Variants in NPAS3 observed in about 807,000 individuals in gnomAD.
NPAS3 encodes neuronal PAS domain protein 3.
In NPAS3, 14 loss-of-function variants were observed where a neutral mutation model predicts 73.1. The ratio of observed to expected loss-of-function variants is 0.19; its 90% CI spans 0.13 to 0.30. The LOEUF (loss-of-function observed/expected upper bound fraction) is 0.30, where lower values mean the gene tolerates loss of function less well. Ranked by LOEUF, NPAS3 falls within the 10% of genes least tolerant of loss-of-function variation. The pLI is 1.00. For missense variants in NPAS3, 1,096 were observed against 1,250.0 expected (o/e 0.88, Z 1.86); for synonymous variants, 620 against 541.5 (o/e 1.14, Z -2.01).
intron 4 of NPAS3, among the ~76,000 whole-genome samples, chr14:33,454,075 TATG>T (rs144410160): frequency 0.027 from 4,106 of 152,288 alleles, 178 homozygotes; most frequent in African/African-American, 0.094. Context: ...CATGCTCAGT[TATG>T]ATAGCTTCCT....
chr14:32,978,012 C>T (rs2037756647), intron 1 of NPAS3, among the ~76,000 whole-genome samples: 1 of 152,158 alleles, frequency 6.6e-6, no homozygotes, highest in East Asian at 1.9e-4. Flanking sequence ...GTGCGTGACA[C>T]TGTGCAAGCC....
chr14:33,078,042 G>C (rs1374706145), intron 2 of NPAS3, among the ~76,000 whole-genome samples: 1 of 151,864 alleles, frequency 6.6e-6, no homozygotes, highest in African/African-American at 2.4e-5. Context: ...CAGAGGCTGA[G>C]GCAGGAGAAT....
chr14:33,178,202 G>A (rs766865825), intron 2 of NPAS3, among the ~76,000 whole-genome samples: 5 of 151,354 alleles, frequency 3.3e-5, no homozygotes, highest in Non-Finnish European at 7.4e-5. Context: ...AGCCTCCCGA[G>A]TGGCTGGGAC....
chr14:33,237,698 A>C (rs977457807), intron 3 of NPAS3, among the ~76,000 whole-genome samples: 2 of 152,026 alleles, frequency 1.3e-5, no homozygotes, highest in African/African-American at 4.8e-5. Context: ...AAATACATGC[A>C]TACGTATATA....
intron 2 of NPAS3, among the ~76,000 whole-genome samples, chr14:33,206,993 G>A (rs1195743434): frequency 1.3e-5 from 2 of 152,148 alleles, no homozygotes; most frequent in African/African-American, 4.8e-5. Context: ...TTACACATGT[G>A]TGCTCACCAG....
intron 5 of NPAS3, among the ~76,000 whole-genome samples, chr14:33,652,890 C>T (rs991741160): frequency 9.0e-6 from 1 of 111,422 alleles, no homozygotes; most frequent in Non-Finnish European, 1.8e-5. Context: ...GTATTCACCC[C>T]CATTTCTCAC....
At chr14:33,338,036 A>G (rs889104676) in intron 3 of NPAS3, among the ~76,000 whole-genome samples, 8 of 151,604 alleles carry the variant, frequency 5.3e-5, no homozygotes, top group African/African-American at 1.9e-4. Context: ...TATTTTACTA[A>G]TTCATTTTTA....
intron 6 of NPAS3, among the ~76,000 whole-genome samples, chr14:33,724,138 A>G (rs2061195094): frequency 6.6e-6 from 1 of 152,194 alleles, no homozygotes; most frequent in African/African-American, 2.4e-5. Context: ...ATCATAAACA[A>G]AAGTAAAAGG....
intron 4 of NPAS3, among the ~76,000 whole-genome samples, chr14:33,539,342 G>A (rs763048418): frequency 2.0e-5 from 3 of 152,038 alleles, no homozygotes; most frequent in Non-Finnish European, 4.4e-5. Flanking sequence ...CTCTTAAGAG[G>A]GAGGTGATGT....
intron 5 of NPAS3, among the ~76,000 whole-genome samples, chr14:33,584,282 C>T (rs2056783192): frequency 6.6e-6 from 1 of 151,916 alleles, no homozygotes; most frequent in Non-Finnish European, 1.5e-5. Context: ...ATAATCCTAA[C>T]ATTTTATGCA....
chr14:33,359,084 G>T (rs1471898292), intron 3 of NPAS3, among the ~76,000 whole-genome samples: 1 of 152,172 alleles, frequency 6.6e-6, no homozygotes, highest in Non-Finnish European at 1.5e-5. Flanking sequence ...ATAATACCAA[G>T]AAGTGATGTG....
chr14:33,638,228 A>G (rs758001657), intron 5 of NPAS3, among the ~76,000 whole-genome samples: 31 of 152,186 alleles, frequency 2.0e-4, no homozygotes, highest in Non-Finnish European at 4.1e-4. Flanking sequence ...TTGGTGTTAA[A>G]TTAATATTAA....
intron 4 of NPAS3, among the ~76,000 whole-genome samples, chr14:33,475,998 T>C (rs1013840131): frequency 3.3e-5 from 5 of 152,194 alleles, no homozygotes; most frequent in African/African-American, 1.2e-4. Context: ...GATTTACTAG[T>C]AAGCCATGGC....
At chr14:33,085,188 T>A (rs1005470661) in intron 2 of NPAS3, among the ~76,000 whole-genome samples, 1 of 152,156 alleles carries the variant, frequency 6.6e-6, no homozygotes, top group Non-Finnish European at 1.5e-5. Flanking sequence ...TTCTTTCCAG[T>A]GATGAAGGAA....
intron 4 of NPAS3, among the ~76,000 whole-genome samples, chr14:33,471,964 G>A (rs376557489): frequency 6.6e-6 from 1 of 152,254 alleles, no homozygotes; most frequent in African/African-American, 2.4e-5. Context: ...AACTACACAT[G>A]TGAGGGATCT....
intron 3 of NPAS3, among the ~76,000 whole-genome samples, chr14:33,360,198 CAGA>C (rs1176272101): frequency 6.6e-6 from 1 of 152,198 alleles, no homozygotes; most frequent in African/African-American, 2.4e-5. Flanking sequence ...GCCCTGATGC[CAGA>C]AGAAATTAGT....
intron 1 of NPAS3, among the ~76,000 whole-genome samples, chr14:32,980,863 C>T (rs1219366564): frequency 6.6e-6 from 1 of 152,132 alleles, no homozygotes; most frequent in Admixed American, 6.6e-5. Context: ...AAAGATGATA[C>T]AGGCCACTTA....
intron 3 of NPAS3, among the ~76,000 whole-genome samples, chr14:33,340,489 C>T (rs1441491126): frequency 2.0e-5 from 3 of 152,068 alleles, no homozygotes; most frequent in Non-Finnish European, 2.9e-5. Context: ...AGGGAGACTC[C>T]GTCTCAAAAA....
upstream of NPAS3, among the ~76,000 whole-genome samples, chr14:32,938,132 CG>C (rs2035758508): frequency 6.6e-6 from 1 of 152,084 alleles, no homozygotes; most frequent in Non-Finnish European, 1.5e-5. Context: ...CCTGTACGTC[CG>C]TGACTGATGC....
Sources: allele counts gnomAD v4.1 joint callset (sites outside exome capture counted in the v4.1 genomes callset), GRCh38; gene constraint gnomAD v4.1.1; transcripts MANE v1.5; gene names NCBI Gene and HGNC (gene_info 2026-07-23, HGNC 2026-07-21).